Variants in ATG4C observed in about 807,000 individuals in gnomAD.
ATG4C encodes the protein autophagy related 4C cysteine peptidase, also known as cysteine protease ATG4C.
In ATG4C, 56 loss-of-function variants were observed where a neutral mutation model predicts 57.6. That is an observed-to-expected ratio of 0.97 (90% CI 0.78 to 1.21). The LOEUF (loss-of-function observed/expected upper bound fraction) is 1.21, where lower values mean the gene tolerates loss of function less well. ATG4C is among the 50% of genes most tolerant of loss of function. The pLI, the probability that ATG4C is intolerant of heterozygous loss-of-function variation, is 0.00. For missense variants in ATG4C, 595 were observed against 529.8 expected, an observed-to-expected ratio of 1.12 and a Z score of -1.21; for synonymous variants, 157 against 174.1, an observed-to-expected ratio of 0.90 and a Z score of 0.78.
intron 1 of ATG4C, among the ~76,000 whole-genome samples, chr1:62,789,773 C>T (rs1417557612): frequency 3.3e-5 from 5 of 151,956 alleles, no homozygotes; most frequent in Non-Finnish European, 5.9e-5. Flanking sequence ...TCCGAGTTCG[C>T]GCCACTGCAC....
intron 10 of ATG4C, among the ~76,000 whole-genome samples, chr1:62,841,813 G>A (rs1666178652): frequency 2.0e-5 from 3 of 152,116 alleles, no homozygotes; most frequent in African/African-American, 2.4e-5. Context: ...ACGCTAGACC[G>A]GTCCAAGCAA....
rs559848583 is a variant in ATG4C, at chr1:62,814,732, C to CTTTT, written c.161-1840_161-1837dup. Among the ~76,000 whole-genome samples, 475 of 152,146 alleles carry CTTTT rather than the reference C, an allele frequency of 3.1e-3. 4 individuals are homozygous for CTTTT. Among genetic ancestry groups the CTTTT allele is most frequent in the African/African-American group, 0.011 (439 of 41,520 alleles). On this transcript the variant is annotated intron_variant, in intron 3 of 10. Coordinates refer to ENST00000317868, the MANE Select transcript of ATG4C (RefSeq NM_032852.4). ...TATAGGAAGTACTAGCTGAGTCTTG[C>CTTTT]TTTTTTATCCAATCTGATAATCTTT...
chr1:62,795,423 G>T (rs1308715027), intron 1 of ATG4C, among the ~76,000 whole-genome samples: 1 of 152,182 alleles, frequency 6.6e-6, no homozygotes, highest in Non-Finnish European at 1.5e-5. Flanking sequence ...CTCTCCAAAA[G>T]AATTCTGCTT....
intron 3 of ATG4C, among the ~76,000 whole-genome samples, chr1:62,815,616 A>C (rs1053933399): frequency 8.5e-5 from 13 of 152,142 alleles, no homozygotes; most frequent in African/African-American, 3.1e-4. Context: ...ATGCAGCCTC[A>C]ACCTCCTGGC....
Position 62,858,422 on chromosome 1 carries a change from T to C in ATG4C, c.1210-5570T>C, listed in dbSNP as rs1359746276. ...ACGAGTCACCTAACCCCTCAATATT[T>C]CAGTTCTCCCATCTGCAAAAACATG... On this transcript the variant is annotated intron_variant, in intron 10 of 10. Transcript: ENST00000317868. Among the ~76,000 whole-genome samples the C allele has an allele frequency of 2.0e-5, 3 of 152,296 alleles. No individual in the cohort carries two copies. In the East Asian group the frequency reaches 5.8e-4, roughly 29 times the overall value.
At chr1:62,838,772 C>T (rs1666077523) in intron 9 of ATG4C, among the ~76,000 whole-genome samples, 1 of 148,136 alleles carries the variant, frequency 6.8e-6, no homozygotes. Context: ...AAGAGTGAAA[C>T]TTCATCTCAA....
intron 10 of ATG4C, among the ~76,000 whole-genome samples, chr1:62,853,283 G>T (rs185693565): frequency 2.1e-4 from 32 of 151,988 alleles, no homozygotes; most frequent in African/African-American, 7.2e-4. Flanking sequence ...TCACCTAATT[G>T]CTGTGTACCT....
At chr1:62,857,884 T>C (rs1441924781) in intron 10 of ATG4C, among the ~76,000 whole-genome samples, 1 of 152,218 alleles carries the variant, frequency 6.6e-6, no homozygotes, top group Middle Eastern at 3.2e-3. Flanking sequence ...CCTATTTCTT[T>C]AGAAATAGTT....
intron 1 of ATG4C, among the ~76,000 whole-genome samples, chr1:62,800,919 C>T (rs1451543542): frequency 9.2e-5 from 14 of 152,084 alleles, no homozygotes; most frequent in Admixed American, 9.2e-4. Context: ...GAAATCTTAC[C>T]AGTCTTACCA....
intron 4 of ATG4C, among the ~76,000 whole-genome samples, chr1:62,818,383 G>T (rs1398276675): frequency 6.6e-6 from 1 of 152,058 alleles, no homozygotes; most frequent in African/African-American, 2.4e-5. Flanking sequence ...TGTTTATTGT[G>T]CCTTTGGGTA....
At position 62,840,708 on chromosome 1, in the gene ATG4C, T is replaced by C. The variant is rs533558048; in HGVS notation, c.1090-720T>C. ...ACAGCCAAATCCATTAGCAAGACAG[T>C]AGAGAAACTAGGGCAGCCTCCCCAG... On this transcript the variant is annotated intron_variant, in intron 9 of 10. Coordinates refer to ENST00000317868, the MANE Select transcript of ATG4C (RefSeq NM_032852.4). Among the ~76,000 whole-genome samples the C allele has an allele frequency of 4.9e-4, 74 of 152,252 alleles. 1 individual carries two copies. The highest frequency in any genetic ancestry group is 1.0e-3 in the Non-Finnish European group (68 of 68,016).
chr1:62,814,080 C>T (rs1287898473), intron 3 of ATG4C, among the ~76,000 whole-genome samples: 1 of 152,162 alleles, frequency 6.6e-6, no homozygotes, highest in Non-Finnish European at 1.5e-5. Flanking sequence ...TTTGACCCAG[C>T]ACTCCTATTA....
rs1305572848 is a variant in ATG4C, at chr1:62,819,265, G to A, written c.655G>A (p.Glu219Lys). ...TCTTTTTGGCTTACATCAACTAATA[G>A]AATATGGAAAGAAGTCTGGGAAAAA... ...LALFGLHQLI[E>K]YGKKSGKKAG... Residue 219 changes from glutamate to lysine, a missense_variant, in exon 5 of 11, where the codon GAA becomes AAA. Physicochemically the swap from Glu to Lys is moderately conservative, Grantham distance 56. Coordinates refer to ENST00000317868, the MANE Select transcript of ATG4C (RefSeq NM_032852.4). The A allele has an allele frequency of 1.2e-6, 2 of 1,613,056 alleles. No individual in the cohort carries two copies.
chr1:62,812,020 T>G (rs1301755427), intron 3 of ATG4C, among the ~76,000 whole-genome samples: 2 of 152,188 alleles, frequency 1.3e-5, no homozygotes, highest in Non-Finnish European at 2.9e-5. Context: ...GTTAGGTACA[T>G]AAACATTTAG....
At chr1:62,811,359 T>C (rs1245124332) in intron 3 of ATG4C, among the ~76,000 whole-genome samples, 2 of 152,198 alleles carry the variant, frequency 1.3e-5, no homozygotes, top group Non-Finnish European at 2.9e-5. Flanking sequence ...CTTTCTGAGC[T>C]ACAAACTTAT....
rs1478375477 is a variant in ATG4C, at chr1:62,784,200, G to T, written c.-142G>T. 6.5e-6 allele frequency: 1 copy of T among 153,188 alleles called. No homozygotes were observed. Among genetic ancestry groups the T allele is most frequent in the Non-Finnish European group, 1.5e-5 (1 of 68,596 alleles). 9.5% of individuals were successfully genotyped at this position (153,188 alleles called of 1,614,324 possible). ...TGTGCGGGCTGGTTTTGTGGCGGCT[G>T]CTGCTAGAGCTGGAGCATTTGCCGG... On this transcript the variant is annotated 5_prime_UTR_variant, in exon 1 of 11. Coordinates refer to ENST00000317868, the MANE Select transcript of ATG4C (RefSeq NM_032852.4).
intron 9 of ATG4C, 140 bp from the exon 10 acceptor site, chr1:62,841,287 TG>T (rs1465570359): frequency 3.2e-6 from 2 of 621,584 alleles, no homozygotes; most frequent in African/African-American, 3.9e-5. Context: ...GAGGACCATC[TG>T]CGTAGGATGA....
intron 1 of ATG4C, among the ~76,000 whole-genome samples, chr1:62,803,492 T>G (rs1664749869): frequency 6.6e-6 from 1 of 152,128 alleles, no homozygotes; most frequent in African/African-American, 2.4e-5. Flanking sequence ...GTTGTATATT[T>G]GTTAGTAAAG....
chr1:62,785,348 C>G (rs960146892), intron 1 of ATG4C: 2 of 152,180 alleles, frequency 1.3e-5, no homozygotes, highest in African/African-American at 4.8e-5. Flanking sequence ...TAATCTGAGG[C>G]TATATTGAAT....
Sources: gnomAD v4.1 joint callset for allele counts (sites outside exome capture counted in the v4.1 genomes callset) on GRCh38, gnomAD v4.1.1 for gene constraint, MANE v1.5 for transcripts, NCBI Gene and HGNC (gene_info 2026-07-23, HGNC 2026-07-21) for gene names.